PTPRD: variants seen among roughly 807,000 people sequenced by gnomAD.
The protein encoded by PTPRD is receptor-type tyrosine-protein phosphatase delta.
In PTPRD, 34 loss-of-function variants were observed where a neutral mutation model predicts 214.5. The ratio of observed to expected loss-of-function variants is 0.16; its 90% CI spans 0.12 to 0.21. The LOEUF is 0.21. PTPRD is among the 10% of genes least tolerant of loss of function. PTPRD has a pLI of 1.00. For synonymous variants in PTPRD, 1,128 were observed against 845.7 expected (o/e 1.33, Z -5.79); for missense variants, 2,545 against 2,398.7 (o/e 1.06, Z -1.27).
chr9:10,434,717 A>G (rs2098705762), intron 2 of PTPRD, among the ~76,000 whole-genome samples: 1 of 151,940 alleles, frequency 6.6e-6, no homozygotes, highest in Non-Finnish European at 1.5e-5. Flanking sequence ...CACTGTTGCT[A>G]TTGGTGGAGA....
At chr9:10,398,708 G>A (rs1010777742) in intron 2 of PTPRD, among the ~76,000 whole-genome samples, 5 of 151,936 alleles carry the variant, frequency 3.3e-5, no homozygotes, top group South Asian at 2.1e-4. Flanking sequence ...ATTAGTAGTC[G>A]TGATAATAAT....
chr9:8,733,794 C>A lies in PTPRD; in HGVS notation c.50G>T (p.Arg17Leu), dbSNP rs949202374. 17 of 1,552,808 alleles carry A rather than the reference C, an allele frequency of 1.1e-5. No homozygotes were observed. Among genetic ancestry groups the A allele is most frequent in the African/African-American group, 2.7e-5 (2 of 73,130 alleles). Reference protein sequence around the residue: ...LLLLLLTFFLRTDAETPPRFT... With the variant: ...LLLLLLTFFLLTDAETPPRFT... Reference sequence around the variant, plus strand: ...GAATGGCTTACTCTCAGCATCCGTGCGGAGGAAGAAAGTGAGGAGCAGCAG... The same window carrying A: ...GAATGGCTTACTCTCAGCATCCGTGAGGAGGAAGAAAGTGAGGAGCAGCAG... The change falls in exon 12 of 46, where the codon CGC becomes CTC. Residue 17 changes from arginine to leucine, a missense_variant. Coordinates refer to ENST00000381196, the MANE Select transcript of PTPRD (RefSeq NM_002839.4).
intron 5 of PTPRD, among the ~76,000 whole-genome samples, chr9:9,838,103 A>C (rs936145724): frequency 2.6e-5 from 4 of 152,108 alleles, no homozygotes; most frequent in African/African-American, 9.7e-5. Flanking sequence ...TGAACTCATC[A>C]TTTTTTATGG....
chr9:9,082,702 G>A (rs962182088), intron 10 of PTPRD, among the ~76,000 whole-genome samples: 1 of 152,128 alleles, frequency 6.6e-6, no homozygotes, highest in African/African-American at 2.4e-5. Flanking sequence ...CTTCAGCAAA[G>A]TCTCAGGATA....
intron 33 of PTPRD, among the ~76,000 whole-genome samples, chr9:8,457,758 A>G (rs1000185808): frequency 6.6e-6 from 1 of 152,132 alleles, no homozygotes; most frequent in African/African-American, 2.4e-5. Context: ...TTCTCAAAGC[A>G]GTATTTGCAT....
chr9:10,495,900 C>G lies in PTPRD; in HGVS notation c.-600+116498G>C, dbSNP rs73394334. ...ATTGGGAGGAATAAATTGTATTTTA[C>G]TACCATATAGAGAAATACAAATTGG... On this transcript the variant is annotated intron_variant, in intron 2 of 45. Coordinates refer to ENST00000381196, the MANE Select transcript of PTPRD (RefSeq NM_002839.4). Among the ~76,000 whole-genome samples, 848 of 151,730 alleles carry G rather than the reference C, an allele frequency of 5.6e-3. 6 individuals are homozygous for G. The highest frequency in any genetic ancestry group is 0.02 in the African/African-American group (818 of 41,500).
intron 7 of PTPRD, among the ~76,000 whole-genome samples, chr9:9,675,600 T>C (rs1045383310): frequency 6.6e-6 from 1 of 151,816 alleles, no homozygotes; most frequent in Non-Finnish European, 1.5e-5. Flanking sequence ...TAAAGCAATA[T>C]AAAAATTTAA....
At chr9:9,434,377 A>G (rs934410602) in intron 8 of PTPRD, among the ~76,000 whole-genome samples, 1 of 152,202 alleles carries the variant, frequency 6.6e-6, no homozygotes, top group Non-Finnish European at 1.5e-5. Flanking sequence ...AGATAAATAA[A>G]TGGTAGGGTA....
chr9:8,828,391 C>T (rs558335098), intron 11 of PTPRD, among the ~76,000 whole-genome samples: 4 of 152,274 alleles, frequency 2.6e-5, no homozygotes, highest in African/African-American at 9.6e-5. Context: ...CTTCTCACTG[C>T]CATGTGAGGA....
intron 3 of PTPRD, among the ~76,000 whole-genome samples, chr9:10,095,066 A>C (rs2098469777): frequency 6.6e-6 from 1 of 151,374 alleles, no homozygotes; most frequent in Non-Finnish European, 1.5e-5. Flanking sequence ...AAAATAGAAA[A>C]CTATGCACAA....
intron 5 of PTPRD, among the ~76,000 whole-genome samples, chr9:9,813,112 A>G (rs761695621): frequency 1.2e-4 from 19 of 152,248 alleles, no homozygotes; most frequent in Admixed American, 2.0e-4. Flanking sequence ...AAAAAGAAAA[A>G]GACAACATGC....
chr9:9,975,684 G>C (rs964836703), intron 4 of PTPRD, among the ~76,000 whole-genome samples: 2 of 152,162 alleles, frequency 1.3e-5, no homozygotes, highest in African/African-American at 4.8e-5. Context: ...CCAACAAGGA[G>C]ATCTCTGTTA....
chr9:9,385,757 C>G (rs567657654), intron 9 of PTPRD, among the ~76,000 whole-genome samples: 24 of 152,236 alleles, frequency 1.6e-4, no homozygotes, highest in African/African-American at 5.8e-4. Context: ...ATTTAGTCGA[C>G]ATAACTTTGG....
chr9:9,096,205 C>A (rs910048731), intron 10 of PTPRD, among the ~76,000 whole-genome samples: 4 of 152,064 alleles, frequency 2.6e-5, no homozygotes, highest in African/African-American at 9.7e-5. Flanking sequence ...GAGATTCATG[C>A]CAAATGAGTA....
At chr9:10,589,728 C>T (rs984486945) in intron 2 of PTPRD, among the ~76,000 whole-genome samples, 4 of 151,920 alleles carry the variant, frequency 2.6e-5, no homozygotes, top group Non-Finnish European at 5.9e-5. Flanking sequence ...ATCAGATATT[C>T]ATAGAAGTAG....
intron 39 of PTPRD, among the ~76,000 whole-genome samples, chr9:8,368,676 C>CTTTTTT (rs199556434): frequency 8.5e-6 from 1 of 117,340 alleles, no homozygotes; most frequent in African/African-American, 3.3e-5. Flanking sequence ...CCTTTTAATG[C>CTTTTTT]TTTTTTTTTT....
At chr9:10,464,036 T>G (rs1438482422) in intron 2 of PTPRD, among the ~76,000 whole-genome samples, 1 of 152,138 alleles carries the variant, frequency 6.6e-6, no homozygotes, top group Non-Finnish European at 1.5e-5. Flanking sequence ...TAGCATAAAG[T>G]ATAAGTACAA....
intron 9 of PTPRD, among the ~76,000 whole-genome samples, chr9:9,254,286 T>C (rs569951934): frequency 2.0e-5 from 3 of 152,168 alleles, no homozygotes; most frequent in Non-Finnish European, 4.4e-5. Flanking sequence ...ACAAAGTAAG[T>C]CTATATATTT....
At chr9:9,756,612 G>C (rs1394208105) in intron 6 of PTPRD, among the ~76,000 whole-genome samples, 1 of 152,098 alleles carries the variant, frequency 6.6e-6, no homozygotes, top group Non-Finnish European at 1.5e-5. Context: ...TGGATACAGA[G>C]TTTTCCTTTG....
Sources: gnomAD v4.1 joint callset for allele counts (sites outside exome capture counted in the v4.1 genomes callset) on GRCh38, gnomAD v4.1.1 for gene constraint, MANE v1.5 for transcripts, NCBI Gene and HGNC (gene_info 2026-07-23, HGNC 2026-07-21) for gene names.